TYW5: variants seen among roughly 807,000 people sequenced by gnomAD.
The protein encoded by TYW5 is tRNA-yW synthesizing protein 5, also known as tRNA wybutosine-synthesizing protein 5.
Under a neutral mutation model 44.4 loss-of-function variants are expected in TYW5, and 36 were observed. The ratio of observed to expected loss-of-function variants is 0.81; its 90% CI spans 0.62 to 1.07. The LOEUF is 1.07. Ranked by LOEUF, TYW5 falls within the 50% of genes least tolerant of loss-of-function variation. The pLI is 0.00. For missense variants in TYW5, 354 were observed against 365.7 expected (o/e 0.97, Z 0.26); for synonymous variants, 121 against 128.1 (o/e 0.94, Z 0.37).
chr2:199,940,143 C>T lies in TYW5; in HGVS notation c.304-10G>A. 1 of 1,610,238 alleles carries T rather than the reference C, an allele frequency of 6.2e-7. No homozygotes were observed. Among genetic ancestry groups the T allele is most frequent in the Non-Finnish European group, 8.5e-7 (1 of 1,178,302 alleles). ...AGTAGTATTTCTCATCCTTAAACACCCCAGAGAAAAATAACATCAGCAATA... is the reference window on the plus strand; with the variant it reads ...AGTAGTATTTCTCATCCTTAAACACTCCAGAGAAAAATAACATCAGCAATA... On this transcript the variant is annotated splice_polypyrimidine_tract_variant and intron_variant, in intron 3 of 7. Coordinates refer to ENST00000354611, the MANE Select transcript of TYW5 (RefSeq NM_001039693.3).
At chr2:199,935,649 G>T (rs1030826977) in intron 7 of TYW5, among the ~76,000 whole-genome samples, 8 of 147,722 alleles carry the variant, frequency 5.4e-5, no homozygotes, top group Admixed American at 5.4e-4. Flanking sequence ...AAAAGTGCAA[G>T]ACCTGTTAAC....
rs573747072 is a variant in TYW5, at chr2:199,943,683, T to A, written c.303+82A>T. 4.6e-6 allele frequency: 5 copies of A among 1,097,814 alleles called. No individual in the cohort carries two copies. The African/African-American group carries it at 8.0e-5, about 18-fold the overall frequency. 68.0% of individuals were successfully genotyped at this position (1,097,814 alleles called of 1,614,324 possible). A position where few individuals can be genotyped will look rare whatever the true frequency, so the allele number is the denominator to read the frequency against. On this transcript the variant is annotated intron_variant, in intron 3 of 7. Transcript: ENST00000354611. Reference sequence around the variant, plus strand: ...CTATCAGAGACGGCTGTTGCTCTTGTGTATCTACTATTCTTTCATAAGAAA... The same window carrying A: ...CTATCAGAGACGGCTGTTGCTCTTGAGTATCTACTATTCTTTCATAAGAAA...
intron 5 of TYW5, among the ~76,000 whole-genome samples, chr2:199,937,731 CAT>C (rs1376499441): frequency 6.6e-6 from 1 of 152,160 alleles, no homozygotes; most frequent in Non-Finnish European, 1.5e-5. Context: ...TGTATTACCA[CAT>C]GATTTTCTCA....
At chr2:199,951,424 A>G (rs774645756) in intron 1 of TYW5, among the ~76,000 whole-genome samples, 2 of 152,164 alleles carry the variant, frequency 1.3e-5, no homozygotes, top group Non-Finnish European at 1.5e-5. Context: ...TTTATATTCT[A>G]TATTAGGGTC....
intron 2 of TYW5, chr2:199,944,638 G>GTCC (rs2105704314): frequency 6.6e-6 from 1 of 152,188 alleles, no homozygotes; most frequent in South Asian, 2.1e-4. Context: ...AGACAATGAA[G>GTCC]TCCTCAAAAG....
In TYW5 at chr2:199,955,478, C is replaced by T; in HGVS notation, c.-8G>A. On this transcript the variant is annotated 5_prime_UTR_variant, in exon 1 of 8. Transcript: ENST00000354611. ...GAGGTGCTGCCCGGCCATGGTTGCTCACGCCTGCCCTCTTCCAGGTCTTCG... is the reference window on the plus strand; with the variant it reads ...GAGGTGCTGCCCGGCCATGGTTGCTTACGCCTGCCCTCTTCCAGGTCTTCG... 1 of 1,613,382 alleles carries T rather than the reference C, an allele frequency of 6.2e-7. No homozygotes were observed. Among genetic ancestry groups the T allele is most frequent in the Non-Finnish European group, 8.5e-7 (1 of 1,179,792 alleles).
intron 1 of TYW5, among the ~76,000 whole-genome samples, chr2:199,954,483 G>A (rs1037327831): frequency 6.6e-6 from 1 of 152,228 alleles, no homozygotes; most frequent in East Asian, 1.9e-4. Context: ...CCAGGCTGGA[G>A]TGCAGTGGCG....
At chr2:199,934,849 C>T (rs2077406740) in intron 7 of TYW5, among the ~76,000 whole-genome samples, 1 of 151,972 alleles carries the variant, frequency 6.6e-6, no homozygotes, top group Non-Finnish European at 1.5e-5. Context: ...ACTTTATGGA[C>T]TTTCAAACTA....
At chr2:199,952,994 T>A (rs1426409526) in intron 1 of TYW5, among the ~76,000 whole-genome samples, 1 of 152,208 alleles carries the variant, frequency 6.6e-6, no homozygotes, top group East Asian at 1.9e-4. Flanking sequence ...ATATCAATAG[T>A]ATACCCTAAT....
chr2:199,951,646 A>C (rs753357195), intron 1 of TYW5, among the ~76,000 whole-genome samples: 1 of 152,138 alleles, frequency 6.6e-6, no homozygotes, highest in East Asian at 1.9e-4. Context: ...CATATATTTC[A>C]TTATCTCTTC....
Position 199,929,775 on chromosome 2 carries a change from T to C in TYW5, c.*3292A>G, listed in dbSNP as rs2077359787. 6.6e-6 allele frequency among the ~76,000 whole-genome samples: 1 copy of C among 151,978 alleles called. No individual in the cohort carries two copies. Among genetic ancestry groups the C allele is most frequent in the African/African-American group, 2.4e-5 (1 of 41,390 alleles). On this transcript the variant is annotated 3_prime_UTR_variant, in exon 8 of 8. Coordinates refer to ENST00000354611, the MANE Select transcript of TYW5 (RefSeq NM_001039693.3). ...TTACAGGACAAATAGAATTCTAATG[T>C]ATTCAAATACCAAGACAAATAATGT...
intron 1 of TYW5, among the ~76,000 whole-genome samples, chr2:199,951,894 G>A (rs1271960662): frequency 6.6e-6 from 1 of 151,984 alleles, no homozygotes; most frequent in Non-Finnish European, 1.5e-5. Flanking sequence ...GCGGGCACCT[G>A]TAGTCCCAGC....
At position 199,939,028 on chromosome 2, in the gene TYW5, C is replaced by A; in HGVS notation, c.391G>T (p.Asp131Tyr). Residue 131 changes from aspartate (D) to tyrosine (Y), a missense_variant, in exon 5 of 8, where the codon GAT becomes TAT. Asp to Tyr is a radical substitution (Grantham distance 160, BLOSUM62 -3). Transcript: ENST00000354611. ...IRKQFPLLKG[D>Y]IKFPEFFKEE... ...TTGAAGAATTCTGGAAACTTAATAT[C>A]TCCTTTCAACAAAGGAAACTGCTTT... The A allele has an allele frequency of 1.2e-6, 2 of 1,612,132 alleles. No individual in the cohort carries two copies. The highest frequency in any genetic ancestry group is 1.7e-6 in the Non-Finnish European group (2 of 1,179,426).
At chr2:199,952,836 C>T (rs1178193403) in intron 1 of TYW5, among the ~76,000 whole-genome samples, 2 of 152,164 alleles carry the variant, frequency 1.3e-5, no homozygotes, top group Non-Finnish European at 2.9e-5. Flanking sequence ...CATTTCTTTA[C>T]ATTTTTCTGA....
intron 4 of TYW5, among the ~76,000 whole-genome samples, chr2:199,939,486 T>C (rs1043306837): frequency 6.6e-5 from 10 of 152,198 alleles, no homozygotes; most frequent in Admixed American, 5.2e-4. Flanking sequence ...TTAAGCTCAA[T>C]ATGCTTCATT....
intron 7 of TYW5, among the ~76,000 whole-genome samples, chr2:199,934,642 A>G (rs1303892986): frequency 6.6e-6 from 1 of 152,102 alleles, no homozygotes; most frequent in Non-Finnish European, 1.5e-5. Context: ...GTCATCAAAT[A>G]TGGATCTTTA....
At chr2:199,939,179 G>C in intron 4 of TYW5, 109 bp from the exon 5 acceptor site, 6 of 955,324 alleles carry the variant, frequency 6.3e-6, no homozygotes, top group Non-Finnish European at 3.0e-6. Flanking sequence ...ATGTGACCAT[G>C]TGCCAATACA....
chr2:199,955,161 C>T (rs1418447404), intron 1 of TYW5, among the ~76,000 whole-genome samples: 1 of 152,206 alleles, frequency 6.6e-6, no homozygotes, highest in Non-Finnish European at 1.5e-5. Context: ...AGCTCTCCGC[C>T]ATCATCTTGC....
At chr2:199,938,320 T>C (rs1285128928) in intron 5 of TYW5, among the ~76,000 whole-genome samples, 2 of 152,114 alleles carry the variant, frequency 1.3e-5, no homozygotes, top group Non-Finnish European at 2.9e-5. Flanking sequence ...CGCCTCGGCC[T>C]CCCAAAGTGC....
Sources: gnomAD v4.1 joint callset for allele counts (sites outside exome capture counted in the v4.1 genomes callset) on GRCh38, gnomAD v4.1.1 for gene constraint, MANE v1.5 for transcripts, NCBI Gene and HGNC (gene_info 2026-07-23, HGNC 2026-07-21) for gene names.